RBPJ: variants seen among roughly 807,000 people sequenced by gnomAD.
The protein encoded by RBPJ is recombination signal binding protein for immunoglobulin kappa J region.
A neutral mutation model predicts 67.8 loss-of-function variants in RBPJ; 9 were observed. The ratio of observed to expected loss-of-function variants is 0.13; its 90% CI spans 0.08 to 0.23. RBPJ has a LOEUF of 0.23. RBPJ is among the 10% of genes least tolerant of loss of function. The pLI is 1.00. For missense variants in RBPJ, 305 were observed against 595.6 expected, an observed-to-expected ratio of 0.51 and a Z score of 5.08; for synonymous variants, 198 against 203.3, an observed-to-expected ratio of 0.97 and a Z score of 0.22.
At chr4:26,126,693 G>A in the RBPJ span, among the ~76,000 whole-genome samples, 552 of 152,248 alleles carry the variant, frequency 3.6e-3, 2 homozygotes, top group African/African-American at 0.012. Flanking sequence ...CCCTCAAGGC[G>A]GCCAGCATTG....
chr4:26,123,283 C>A, the RBPJ span, among the ~76,000 whole-genome samples: 1 of 152,132 alleles, frequency 6.6e-6, no homozygotes, highest in Non-Finnish European at 1.5e-5. Flanking sequence ...TCTAAGCATA[C>A]CAAAACATAG....
intron 4 of RBPJ, among the ~76,000 whole-genome samples, chr4:26,418,197 A>G (rs1257892652): frequency 6.6e-6 from 1 of 152,168 alleles, no homozygotes; most frequent in East Asian, 1.9e-4. Context: ...TTTATTGCCT[A>G]AAGATCTTGT....
intron 1 of RBPJ, among the ~76,000 whole-genome samples, chr4:26,262,871 C>A (rs1437868592): frequency 6.6e-6 from 1 of 152,176 alleles, no homozygotes; most frequent in East Asian, 1.9e-4. Flanking sequence ...TGCTCTTCTT[C>A]CAGCCCTATA....
At chr4:26,122,214 G>A in the RBPJ span, among the ~76,000 whole-genome samples, 1 of 152,152 alleles carries the variant, frequency 6.6e-6, no homozygotes, top group African/African-American at 2.4e-5. Context: ...GCAAAGTGAA[G>A]TGATCAAGAG....
At chr4:26,141,506 A>G in the RBPJ span, among the ~76,000 whole-genome samples, 1 of 152,222 alleles carries the variant, frequency 6.6e-6, no homozygotes, top group Non-Finnish European at 1.5e-5. Context: ...AAACCACAGC[A>G]TCTATTTTTT....
At chr4:26,426,039 T>A (rs547199095) in intron 7 of RBPJ, among the ~76,000 whole-genome samples, 2 of 152,226 alleles carry the variant, frequency 1.3e-5, no homozygotes, top group East Asian at 3.9e-4. Context: ...AGACATGAAG[T>A]ATAGTAATAG....
intron 1 of RBPJ, among the ~76,000 whole-genome samples, chr4:26,349,255 A>G (rs1726542990): frequency 6.6e-6 from 1 of 151,834 alleles, no homozygotes; most frequent in East Asian, 2.0e-4. Context: ...ATTTTTTTGT[A>G]GAGATGGTGT....
chr4:26,270,322 G>A (rs1207045969), intron 1 of RBPJ, among the ~76,000 whole-genome samples: 1 of 88,716 alleles, frequency 1.1e-5, no homozygotes, highest in African/African-American at 4.5e-5. Flanking sequence ...GAGGGGAGGG[G>A]AGGAGAGGGG....
At chr4:26,408,447 A>G (rs979451445) in intron 3 of RBPJ, among the ~76,000 whole-genome samples, 1 of 151,070 alleles carries the variant, frequency 6.6e-6, no homozygotes, top group Non-Finnish European at 1.5e-5. Context: ...TTTTTTTCAT[A>G]AATAAAATTT....
At chr4:26,120,870 A>G in the RBPJ span, among the ~76,000 whole-genome samples, 2 of 146,854 alleles carry the variant, frequency 1.4e-5, no homozygotes, top group African/African-American at 5.0e-5. Context: ...TGCCCCAGCT[A>G]TTCTTATCTA....
chr4:26,260,593 C>T (rs11930559), intron 1 of RBPJ, among the ~76,000 whole-genome samples: 29 of 152,260 alleles, frequency 1.9e-4, no homozygotes, highest in Admixed American at 9.8e-4. Flanking sequence ...GGCCAGACAA[C>T]GGAAGATTTT....
intron 1 of RBPJ, chr4:26,362,617 G>A (rs144563091): frequency 1.3e-5 from 21 of 1,613,878 alleles, no homozygotes; most frequent in South Asian, 3.3e-5. Context: ...GTACCATGGC[G>A]TGGATTAAAA....
Position 26,202,585 on chromosome 4 carries a change from C to T in RBPJ, c.-167+38971C>T, listed in dbSNP as rs554643244. 4.6e-5 allele frequency among the ~76,000 whole-genome samples: 7 copies of T among 152,010 alleles called. No homozygotes were observed. In the East Asian group the frequency reaches 1.4e-3, roughly 30 times the overall value. On this transcript the variant is annotated intron_variant, in intron 1 of 4. Coordinates refer to the RBPJ transcript ENST00000512351. ...TTTTAAAAATCCCACATTCAATCCA[C>T]AGCAAATCTGGTTGTCTCTTTTTAG...
At chr4:26,344,988 A>C (rs1725983709) in intron 1 of RBPJ, among the ~76,000 whole-genome samples, 1 of 152,248 alleles carries the variant, frequency 6.6e-6, no homozygotes, top group Non-Finnish European at 1.5e-5. Context: ...TAAACATTTA[A>C]AAAATTTTGT....
chr4:26,277,156 A>G (rs1721112321), intron 1 of RBPJ, among the ~76,000 whole-genome samples: 2 of 151,630 alleles, frequency 1.3e-5, no homozygotes, highest in Non-Finnish European at 2.9e-5. Context: ...GCATGCTGGT[A>G]TGAAGACTTA....
the RBPJ span, among the ~76,000 whole-genome samples, chr4:26,155,951 C>T: frequency 3.9e-5 from 6 of 152,068 alleles, no homozygotes; most frequent in Non-Finnish European, 8.8e-5. Context: ...TAATCCAGGT[C>T]TCCTGGAAAG....
intron 1 of RBPJ, among the ~76,000 whole-genome samples, chr4:26,293,921 C>T (rs915468387): frequency 6.6e-6 from 1 of 151,884 alleles, no homozygotes; most frequent in African/African-American, 2.4e-5. Flanking sequence ...CCACACTCAG[C>T]TAATTTTTGT....
chr4:26,166,111 C>A (rs1260825098), intron 1 of RBPJ, among the ~76,000 whole-genome samples: 1 of 147,744 alleles, frequency 6.8e-6, no homozygotes, highest in Non-Finnish European at 1.5e-5. Context: ...TTAATCCAGT[C>A]TATCATTGTT....
chr4:26,401,286 A>G lies in RBPJ; in HGVS notation c.60-4889A>G, dbSNP rs564025171. Among the ~76,000 whole-genome samples, 5 of 152,346 alleles carry G rather than the reference A, an allele frequency of 3.3e-5. No homozygotes were observed. In the East Asian group the frequency reaches 9.6e-4, roughly 29 times the overall value. Reference sequence around the variant, plus strand: ...CAGACCCGGATCTATTTCACACCAAAGCTATACCCCTAATCACTAACGGTA... The same window carrying G: ...CAGACCCGGATCTATTTCACACCAAGGCTATACCCCTAATCACTAACGGTA... On this transcript the variant is annotated intron_variant, in intron 2 of 10. Coordinates refer to ENST00000355476, the MANE Select transcript of RBPJ (RefSeq NM_015874.6).
Sources: allele counts gnomAD v4.1 joint callset (sites outside exome capture counted in the v4.1 genomes callset), GRCh38; gene constraint gnomAD v4.1.1; transcripts MANE v1.5; gene names NCBI Gene and HGNC (gene_info 2026-07-23, HGNC 2026-07-21).